Variants in SUMF1 observed in about 807,000 individuals in gnomAD.
The protein encoded by SUMF1 is sulfatase modifying factor 1, also known as formylglycine-generating enzyme.
SUMF1 carries 48 observed loss-of-function variants against 47.6 expected under a neutral mutation model. The observed-to-expected ratio is 1.01, with a 90% CI of 0.80 to 1.28. SUMF1 has a LOEUF of 1.28. Ranked by LOEUF, SUMF1 falls within the 50% of genes most tolerant of loss-of-function variation. The pLI is 0.00. For missense variants in SUMF1, 571 were observed against 485.4 expected (o/e 1.18, Z -1.66); for synonymous variants, 230 against 192.1 (o/e 1.20, Z -1.63).
chr3:4,206,442 C>T (rs1411994795), intron 8 of SUMF1, among the ~76,000 whole-genome samples: 1 of 152,136 alleles, frequency 6.6e-6, no homozygotes, highest in East Asian at 1.9e-4. Flanking sequence ...AATACTGCCT[C>T]TGTGGGCACC....
intron 8 of SUMF1, among the ~76,000 whole-genome samples, chr3:4,179,257 G>C (rs1433966515): frequency 1.3e-5 from 2 of 152,078 alleles, no homozygotes; most frequent in African/African-American, 4.8e-5. Flanking sequence ...AACAAAGCTG[G>C]AGGCATCACG....
At chr3:4,154,415 T>C (rs1694406846) in intron 8 of SUMF1, among the ~76,000 whole-genome samples, 2 of 151,730 alleles carry the variant, frequency 1.3e-5, no homozygotes, top group East Asian at 3.9e-4. Flanking sequence ...CCAGCATGAA[T>C]AATAAGATAG....
chr3:4,340,905 A>T (rs1179456882), intron 8 of SUMF1, among the ~76,000 whole-genome samples: 1 of 152,170 alleles, frequency 6.6e-6, no homozygotes, highest in Non-Finnish European at 1.5e-5. Context: ...TCAAGTTGCA[A>T]ATGTTTTAAA....
chr3:4,292,154 A>G (rs1250112711), intron 8 of SUMF1, among the ~76,000 whole-genome samples: 1 of 152,250 alleles, frequency 6.6e-6, no homozygotes, highest in East Asian at 1.9e-4. Flanking sequence ...TCAATTATTA[A>G]TTAGCACAGT....
At chr3:4,396,081 G>A (rs1701030649) in intron 7 of SUMF1, among the ~76,000 whole-genome samples, 1 of 152,178 alleles carries the variant, frequency 6.6e-6, no homozygotes, top group Non-Finnish European at 1.5e-5. Flanking sequence ...TATAAACCAG[G>A]AATGTTTGGA....
chr3:4,177,607 C>T (rs192415710), intron 8 of SUMF1, among the ~76,000 whole-genome samples: 83 of 152,152 alleles, frequency 5.5e-4, no homozygotes, highest in Non-Finnish European at 8.7e-4. Context: ...AAAATCAACA[C>T]CCTAATATCA....
At chr3:4,150,915 T>A (rs182793726) in intron 8 of SUMF1, among the ~76,000 whole-genome samples, 6 of 151,554 alleles carry the variant, frequency 4.0e-5, no homozygotes, top group African/African-American at 1.5e-4. Flanking sequence ...TGTCTCCCTG[T>A]GCCCCAAAAC....
chr3:4,457,687 C>G (rs1020460014), intron 1 of SUMF1, among the ~76,000 whole-genome samples: 1 of 152,160 alleles, frequency 6.6e-6, no homozygotes, highest in Non-Finnish European at 1.5e-5. Context: ...TGAATATCCA[C>G]ATGTAGAAGA....
chr3:4,234,747 G>C (rs1696372651), intron 8 of SUMF1, among the ~76,000 whole-genome samples: 1 of 152,094 alleles, frequency 6.6e-6, no homozygotes, highest in African/African-American at 2.4e-5. Flanking sequence ...AGATGAGAAT[G>C]GGCTACCAGT....
At chr3:4,322,734 T>TA (rs1387008456) in intron 8 of SUMF1, among the ~76,000 whole-genome samples, 3 of 151,904 alleles carry the variant, frequency 2.0e-5, no homozygotes, top group Admixed American at 1.3e-4. Flanking sequence ...GGAAGCCTCA[T>TA]ATATTGGTTG....
chr3:4,155,704 C>T (rs1014380361), intron 8 of SUMF1, among the ~76,000 whole-genome samples: 1 of 151,482 alleles, frequency 6.6e-6, no homozygotes, highest in Non-Finnish European at 1.5e-5. Flanking sequence ...CTCTTTCATG[C>T]TTAAGCAGCC....
intron 8 of SUMF1, among the ~76,000 whole-genome samples, chr3:4,273,622 T>C (rs1266808605): frequency 6.0e-5 from 9 of 150,790 alleles, no homozygotes; most frequent in African/African-American, 2.2e-4. Context: ...ATCTTTTAAC[T>C]ATATACTTAA....
chr3:4,119,092 C>A (rs1185496405), intron 8 of SUMF1, among the ~76,000 whole-genome samples: 5 of 152,102 alleles, frequency 3.3e-5, no homozygotes, highest in African/African-American at 1.2e-4. Flanking sequence ...CTACATTTTT[C>A]ATTCCAGCTA....
At chr3:4,261,902 C>T (rs1225754390) in intron 8 of SUMF1, among the ~76,000 whole-genome samples, 2 of 152,152 alleles carry the variant, frequency 1.3e-5, no homozygotes, top group Non-Finnish European at 2.9e-5. Flanking sequence ...TACAAGCAAC[C>T]TACAAGTTAT....
chr3:4,089,915 T>C (rs1321416675), intron 8 of SUMF1, among the ~76,000 whole-genome samples: 1 of 152,166 alleles, frequency 6.6e-6, no homozygotes, highest in Non-Finnish European at 1.5e-5. Flanking sequence ...TCCTTTGATC[T>C]ACATACTCAT....
chr3:4,038,840 T>C (rs1694853168), intron 9 of SUMF1, among the ~76,000 whole-genome samples: 1 of 152,090 alleles, frequency 6.6e-6, no homozygotes, highest in Admixed American at 6.5e-5. Context: ...ATAGCTAAGT[T>C]TTACCAGGAA....
At chr3:4,375,017 GC>G (rs947561344) in intron 8 of SUMF1, among the ~76,000 whole-genome samples, 10 of 150,862 alleles carry the variant, frequency 6.6e-5, no homozygotes, top group African/African-American at 2.4e-4. Context: ...TTAAAAATTA[GC>G]CAAGTTACTT....
chr3:4,231,024 T>A (rs1696287185), intron 8 of SUMF1, among the ~76,000 whole-genome samples: 1 of 152,154 alleles, frequency 6.6e-6, no homozygotes, highest in African/African-American at 2.4e-5. Context: ...ATAGAAGGGA[T>A]AAGAATATTA....
chr3:4,238,293 G>C (rs1696456041), intron 8 of SUMF1, among the ~76,000 whole-genome samples: 2 of 152,260 alleles, frequency 1.3e-5, no homozygotes, highest in South Asian at 4.1e-4. Flanking sequence ...TATATACCCA[G>C]TAACGGGATT....
Sources: gnomAD v4.1 joint callset for allele counts (sites outside exome capture counted in the v4.1 genomes callset) on GRCh38, gnomAD v4.1.1 for gene constraint, MANE v1.5 for transcripts, NCBI Gene and HGNC (gene_info 2026-07-23, HGNC 2026-07-21) for gene names.